The following PCM1 variants were observed in gnomAD, a reference collection of about 807,000 sequenced individuals.
PCM1 encodes the protein pericentriolar material 1 protein.
In PCM1, 157 loss-of-function variants were observed where a neutral mutation model predicts 241.9. That is an observed-to-expected ratio of 0.65 (90% CI 0.57 to 0.74). The LOEUF (loss-of-function observed/expected upper bound fraction) is 0.74. Ranked by LOEUF, PCM1 falls within the 30% of genes least tolerant of loss-of-function variation. The pLI is 0.00. For missense variants in PCM1, 3,478 were observed against 2,360.1 expected (o/e 1.47, Z -9.81); for synonymous variants, 1,085 against 784.9 (o/e 1.38, Z -6.39).
intron 26 of PCM1, among the ~76,000 whole-genome samples, chr8:17,988,979 G>A (rs1430296925): frequency 6.6e-6 from 1 of 151,870 alleles, no homozygotes; most frequent in Non-Finnish European, 1.5e-5. Context: ...ATGAAAATAT[G>A]CATCACAAAA....
rs1253881539 is a variant in PCM1 at position 18,029,522 on chromosome 8, A to T, written c.*1860A>T. The T allele has an allele frequency of 3.3e-5, 7 of 213,124 alleles. No individual in the cohort carries two copies. In the East Asian group the frequency reaches 4.9e-4, roughly 15 times the overall value. 13.2% of individuals were successfully genotyped at this position (213,124 alleles called of 1,614,324 possible). A position where few individuals can be genotyped will look rare whatever the true frequency, so the allele number is the denominator to read the frequency against. ...TCTGTCTGCATGCATATTAAAGTGGAAAAATTGTATTTATATCTTAGTTAT... is the reference window on the plus strand; with the variant it reads ...TCTGTCTGCATGCATATTAAAGTGGTAAAATTGTATTTATATCTTAGTTAT... On this transcript the variant is annotated 3_prime_UTR_variant, in exon 39 of 39. Transcript: ENST00000325083.
In PCM1 at chr8:18,011,363, A is replaced by G. The variant is rs770851735; in HGVS notation, c.5347A>G (p.Ile1783Val). 37 of 1,587,034 alleles carry G rather than the reference A, an allele frequency of 2.3e-5. No homozygotes were observed. Among genetic ancestry groups the G allele is most frequent in the African/African-American group, 2.7e-5 (2 of 73,154 alleles). The change falls in exon 33 of 39, where the codon ATT becomes GTT. Residue 1783 changes from isoleucine (I) to valine (V), a missense_variant. Physicochemically the swap from Ile to Val is conservative, Grantham distance 29. Coordinates refer to ENST00000325083, the MANE Select transcript of PCM1 (RefSeq NM_006197.4). ...DEESEGCPVS[I>V]NLSKAETQAL... ...AGAAAGTGAAGGATGTCCAGTGTCT[A>G]TTAGTAAGTTTAAAGGCTCTGTACT...
chr8:17,994,645 A>T (rs1279435100), intron 29 of PCM1, among the ~76,000 whole-genome samples: 1 of 152,166 alleles, frequency 6.6e-6, no homozygotes, highest in African/African-American at 2.4e-5. Context: ...GTACTAATTT[A>T]CATTCCCACC....
intron 5 of PCM1, among the ~76,000 whole-genome samples, 194 bp downstream of exon 5, chr8:17,939,203 A>G (rs2061319159): frequency 6.6e-6 from 1 of 152,204 alleles, no homozygotes; most frequent in African/African-American, 2.4e-5. Context: ...TATTTTAGAA[A>G]TGGCATATTC....
chr8:17,958,022 A>G (rs2069495909), intron 13 of PCM1, among the ~76,000 whole-genome samples: 1 of 152,192 alleles, frequency 6.6e-6, no homozygotes, highest in Admixed American at 6.5e-5. Context: ...TCACAATGCA[A>G]AAGCAGCCAT....
chr8:17,933,648 A>C (rs9644600), intron 2 of PCM1, among the ~76,000 whole-genome samples: 21,658 of 152,048 alleles, frequency 0.14, 1,798 homozygotes, highest in East Asian at 0.41. Context: ...ACTCCTAGTT[A>C]TTTTATATAT....
chr8:17,985,392 G>C, intron 24 of PCM1, 55 bp from the exon 25 acceptor site: 1 of 1,217,426 alleles, frequency 8.2e-7, no homozygotes, highest in East Asian at 2.6e-5. Flanking sequence ...GCTAATAAAA[G>C]TTGTCATGAA....
At position 17,967,001 on chromosome 8, in the gene PCM1, A is replaced by G. The variant is rs1368287926; in HGVS notation, c.3243A>G (p.Glu1081=). The change falls in exon 21 of 39, where the codon GAA becomes GAG. Residue 1081 remains glutamate (E), a synonymous_variant. Coordinates refer to ENST00000325083, the MANE Select transcript of PCM1 (RefSeq NM_006197.4). ...GTAGGTTGAAACAAATGCTAAATGAACTTATGCGCCAGCAAAATCAGCATC... is the reference window on the plus strand; with the variant it reads ...GTAGGTTGAAACAAATGCTAAATGAGCTTATGCGCCAGCAAAATCAGCATC... ...NVQRLKQMLN[E]LMRQQNQHPE... is the part of the protein sequence containing the mutation. 3.1e-6 allele frequency: 5 copies of G among 1,606,806 alleles called. No individual in the cohort carries two copies. Among genetic ancestry groups the G allele is most frequent in the Admixed American group, 3.4e-5 (2 of 59,004 alleles).
chr8:18,024,174 C>T (rs1345887911), intron 36 of PCM1, among the ~76,000 whole-genome samples: 2 of 152,134 alleles, frequency 1.3e-5, no homozygotes, highest in Non-Finnish European at 2.9e-5. Flanking sequence ...TGAGAGCAAC[C>T]TGGGCAACAT....
chr8:17,939,609 CTG>C, intron 5 of PCM1, 80 bp from the exon 6 acceptor site: 1 of 662,764 alleles, frequency 1.5e-6, no homozygotes, highest in Non-Finnish European at 2.3e-6. Context: ...ATTTGTAAAA[CTG>C]TTGCTATTGA....
intron 6 of PCM1, among the ~76,000 whole-genome samples, chr8:17,944,397 A>G (rs1381006139): frequency 6.6e-6 from 1 of 152,154 alleles, no homozygotes; most frequent in East Asian, 1.9e-4. Flanking sequence ...GAAGTACATA[A>G]TTATCTGAAG....
chr8:18,006,785 A>G (rs1227988955), intron 30 of PCM1, among the ~76,000 whole-genome samples: 2 of 152,192 alleles, frequency 1.3e-5, no homozygotes, highest in African/African-American at 2.4e-5. Context: ...AGCTGGTTGT[A>G]GAGACTTTTT....
intron 30 of PCM1, among the ~76,000 whole-genome samples, chr8:18,008,391 C>T (rs1395873130): frequency 1.3e-5 from 2 of 151,966 alleles, no homozygotes; most frequent in Non-Finnish European, 2.9e-5. Context: ...GCTCAGGGCT[C>T]CCACTGATTC....
In PCM1 at chr8:17,969,615, G is replaced by T; in HGVS notation, c.3451G>T (p.Asp1151Tyr). ...FSPLFPSNFG[D>Y]FSQNISTPSE... ...CCCTTTATTTCCTTCTAATTTTGGA[G>T]ATTTTTCTCAGAATATCTCTACACC... The change falls in exon 22 of 39, where the codon GAT (aspartate) becomes TAT (tyrosine). Residue 1151 changes from aspartate (D) to tyrosine (Y), a missense_variant. By Grantham distance (160) the Asp-to-Tyr change is radical. Coordinates refer to ENST00000325083, the MANE Select transcript of PCM1 (RefSeq NM_006197.4). 1 of 1,610,786 alleles carries T rather than the reference G, an allele frequency of 6.2e-7. No homozygotes were observed. Among genetic ancestry groups the T allele is most frequent in the Non-Finnish European group, 8.5e-7 (1 of 1,178,544 alleles).
intron 15 of PCM1, among the ~76,000 whole-genome samples, chr8:17,960,739 T>C (rs1201242847): frequency 6.6e-6 from 1 of 152,070 alleles, no homozygotes; most frequent in Admixed American, 6.5e-5. Flanking sequence ...TTAGCCAGGA[T>C]GGTTTCGATC....
chr8:17,961,964 GTAA>G, intron 15 of PCM1, 67 bp from the exon 16 acceptor site: 1 of 1,416,082 alleles, frequency 7.1e-7, no homozygotes, highest in Non-Finnish European at 9.6e-7. Flanking sequence ...CATATTTAAA[GTAA>G]CTGCTTTTAT....
intron 29 of PCM1, among the ~76,000 whole-genome samples, chr8:17,999,633 G>T (rs2088479950): frequency 6.6e-6 from 1 of 152,120 alleles, no homozygotes; most frequent in South Asian, 2.1e-4. Context: ...TTGGGGGAGG[G>T]GTGGCGTCAG....
At chr8:17,996,890 C>G (rs1315678773) in intron 29 of PCM1, among the ~76,000 whole-genome samples, 1 of 151,988 alleles carries the variant, frequency 6.6e-6, no homozygotes, top group Non-Finnish European at 1.5e-5. Context: ...GTTGTTGTAG[C>G]TACTATTTTT....
chr8:18,022,787 C>G (rs1302087269), intron 36 of PCM1, among the ~76,000 whole-genome samples: 2 of 152,170 alleles, frequency 1.3e-5, no homozygotes, highest in Non-Finnish European at 2.9e-5. Context: ...ATCAGAACTT[C>G]ACCATGATAC....
Sources: allele counts gnomAD v4.1 joint callset (sites outside exome capture counted in the v4.1 genomes callset), GRCh38; gene constraint gnomAD v4.1.1; transcripts MANE v1.5; gene names NCBI Gene and HGNC (gene_info 2026-07-23, HGNC 2026-07-21).